The following CLMP variants were observed in gnomAD, a reference collection of about 807,000 sequenced individuals.
The protein encoded by CLMP is CXADR-like membrane protein.
A neutral mutation model predicts 45.2 loss-of-function variants in CLMP; 27 were observed. That is an observed-to-expected ratio of 0.60 (90% CI 0.44 to 0.82). CLMP has a LOEUF of 0.82. CLMP is among the 40% of genes least tolerant of loss of function. The probability of loss-of-function intolerance (pLI) is 0.00; values close to 1 mark genes in which losing one functional copy is unlikely to be tolerated. For synonymous variants in CLMP, 167 were observed against 171.4 expected, an observed-to-expected ratio of 0.97 and a Z score of 0.20; for missense variants, 403 against 448.4, an observed-to-expected ratio of 0.90 and a Z score of 0.91.
At chr11:123,187,173 T>C (rs1300395221) in intron 1 of CLMP, among the ~76,000 whole-genome samples, 2 of 152,144 alleles carry the variant, frequency 1.3e-5, no homozygotes. Context: ...TGAAGTAACT[T>C]GCCCAAGGTC....
intron 1 of CLMP, among the ~76,000 whole-genome samples, chr11:123,164,411 CT>C (rs1474582567): frequency 6.6e-6 from 1 of 152,218 alleles, no homozygotes; most frequent in African/African-American, 2.4e-5. Flanking sequence ...TCAAGCAATT[CT>C]CCCACCCTAG....
chr11:123,086,001 T>C (rs1463260465), intron 2 of CLMP, among the ~76,000 whole-genome samples: 1 of 152,106 alleles, frequency 6.6e-6, no homozygotes, highest in Non-Finnish European at 1.5e-5. Flanking sequence ...GGTCTTGAAC[T>C]CCTGACCTCA....
At chr11:123,181,050 G>A (rs1177987987) in intron 1 of CLMP, among the ~76,000 whole-genome samples, 1 of 152,198 alleles carries the variant, frequency 6.6e-6, no homozygotes, top group African/African-American at 2.4e-5. Context: ...CATGCTGCCT[G>A]CAGGGGAAAG....
At chr11:123,189,076 G>C (rs958933176) in intron 1 of CLMP, 4 of 152,204 alleles carry the variant, frequency 2.6e-5, no homozygotes, top group Admixed American at 2.0e-4. Context: ...AGGAACACTA[G>C]TAATCCATAC....
chr11:123,074,276 G>C (rs1382125813), intron 6 of CLMP, among the ~76,000 whole-genome samples: 1 of 149,720 alleles, frequency 6.7e-6, no homozygotes, highest in Non-Finnish European at 1.5e-5. Flanking sequence ...CTGGGCTAAA[G>C]TCATCCTCCT....
Position 123,073,481 on chromosome 11 carries a change from G to C in CLMP, c.1115C>G (p.Thr372Arg). 2 of 1,611,048 alleles carry C rather than the reference G, an allele frequency of 1.2e-6. No individual in the cohort carries two copies. The highest frequency in any genetic ancestry group is 1.7e-6 in the Non-Finnish European group (2 of 1,178,206). The change falls in exon 7 of 7, where the codon ACG becomes AGG. Residue 372 changes from threonine to arginine, a missense_variant. Thr to Arg is a moderately conservative substitution (Grantham distance 71, BLOSUM62 -1). Transcript: ENST00000448775. ...MIPSQSRAFQ[T>R]V is the part of the protein sequence containing the mutation. ...AGTCAAGTCCATTGTAATTCAGACC[G>C]TTTGGAAGGCTCTGCTCTGGCTGGG...
chr11:123,094,256 G>A (rs759584558), intron 2 of CLMP, among the ~76,000 whole-genome samples: 2 of 152,060 alleles, frequency 1.3e-5, no homozygotes, highest in East Asian at 1.9e-4. Context: ...ATAGGCCTGC[G>A]CCACCATGCC....
chr11:123,151,200 T>C (rs929244624), intron 1 of CLMP, among the ~76,000 whole-genome samples: 1 of 152,234 alleles, frequency 6.6e-6, no homozygotes, highest in Non-Finnish European at 1.5e-5. Flanking sequence ...GAGGGAACCA[T>C]TGGTTTCTAC....
At chr11:123,117,674 G>A (rs896993305) in intron 1 of CLMP, among the ~76,000 whole-genome samples, 19 of 152,082 alleles carry the variant, frequency 1.2e-4, no homozygotes, top group Non-Finnish European at 2.5e-4. Flanking sequence ...TGATCCACTC[G>A]CCTTGGCCTC....
At chr11:123,076,065 C>G (rs572150356) in intron 5 of CLMP, among the ~76,000 whole-genome samples, 1 of 151,902 alleles carries the variant, frequency 6.6e-6, no homozygotes, top group Non-Finnish European at 1.5e-5. Flanking sequence ...CCCAGCTACT[C>G]GGGAGGTTAA....
Position 123,178,298 on chromosome 11 carries a change from A to G in CLMP, c.28+16615T>C, listed in dbSNP as rs569809071. On this transcript the variant is annotated intron_variant, in intron 1 of 6. Transcript: ENST00000448775. ...GAAGAGCCTCCTTTTGTGCTAAGTC[A>G]TTCTGTAGGAGAGGTCAAGTGTGCC... Among the ~76,000 whole-genome samples the G allele has an allele frequency of 1.9e-3, 296 of 152,326 alleles. 2 individuals are homozygous for G. The highest frequency in any genetic ancestry group is 3.2e-3 in the Non-Finnish European group (219 of 68,028).
intron 2 of CLMP, among the ~76,000 whole-genome samples, chr11:123,086,943 C>T (rs763641185): frequency 3.3e-5 from 5 of 152,128 alleles, no homozygotes; most frequent in Non-Finnish European, 7.4e-5. Flanking sequence ...ACTGTAATCC[C>T]AGCATTTTGG....
intron 1 of CLMP, among the ~76,000 whole-genome samples, chr11:123,119,455 C>T (rs957185457): frequency 2.0e-5 from 3 of 152,136 alleles, no homozygotes; most frequent in Non-Finnish European, 4.4e-5. Flanking sequence ...GGTGTGCTTA[C>T]AGGGGTAACG....
chr11:123,147,050 A>G (rs536987433), intron 1 of CLMP, among the ~76,000 whole-genome samples: 2 of 152,342 alleles, frequency 1.3e-5, no homozygotes, highest in East Asian at 3.9e-4. Flanking sequence ...TGCTTAATGC[A>G]AACTCTCACA....
intron 1 of CLMP, among the ~76,000 whole-genome samples, chr11:123,123,259 C>CTTT (rs11458946): frequency 0.012 from 1,369 of 117,646 alleles, 68 homozygotes; most frequent in African/African-American, 0.04. Context: ...TCTTTCTTTC[C>CTTT]TTTTTTTTTT....
At chr11:123,123,493 A>G (rs1462691713) in intron 1 of CLMP, among the ~76,000 whole-genome samples, 1 of 151,898 alleles carries the variant, frequency 6.6e-6, no homozygotes, top group Non-Finnish European at 1.5e-5. Context: ...GCTGGCCTCA[A>G]GTGATCTGCC....
chr11:123,106,414 T>TGC (rs1250089469), intron 1 of CLMP, among the ~76,000 whole-genome samples: 15 of 129,016 alleles, frequency 1.2e-4, no homozygotes, highest in African/African-American at 4.4e-4. Flanking sequence ...TGTGTGTGTG[T>TGC]GTGTGTGTGT....
intron 1 of CLMP, among the ~76,000 whole-genome samples, chr11:123,157,453 T>C (rs1183411015): frequency 6.6e-6 from 1 of 152,110 alleles, no homozygotes; most frequent in East Asian, 1.9e-4. Context: ...CTCCAGAGGC[T>C]GAGGCAGGCA....
In CLMP at chr11:123,073,324, A is replaced by G; in HGVS notation, c.*150T>C. On this transcript the variant is annotated 3_prime_UTR_variant, in exon 7 of 7. Coordinates refer to ENST00000448775, the MANE Select transcript of CLMP (RefSeq NM_024769.5). ...TGCTTGTTTGGTATTGTATAAGGAA[A>G]ATGCTCATCTGAATCTGTTCCGTGC... is the stretch of plus-strand genomic sequence containing the variant. 2.3e-6 allele frequency: 2 copies of G among 859,944 alleles called. No homozygotes were observed. The highest frequency in any genetic ancestry group is 2.7e-5 in the Admixed American group (1 of 37,148). 53.3% of individuals were successfully genotyped at this position (859,944 alleles called of 1,614,324 possible). A position where few individuals can be genotyped will look rare whatever the true frequency, so the allele number is the denominator to read the frequency against.
Sources: gnomAD v4.1 joint callset for allele counts (sites outside exome capture counted in the v4.1 genomes callset) on GRCh38, gnomAD v4.1.1 for gene constraint, MANE v1.5 for transcripts, NCBI Gene and HGNC (gene_info 2026-07-23, HGNC 2026-07-21) for gene names.